Variants in TRANK1 observed in about 807,000 individuals in gnomAD.
TRANK1 encodes TPR and ankyrin repeat-containing protein 1.
A neutral mutation model predicts 266.0 loss-of-function variants in TRANK1; 198 were observed. The observed-to-expected ratio is 0.74, with a 90% CI of 0.66 to 0.84. TRANK1 has a LOEUF of 0.84. Among genes scored for constraint, TRANK1 ranks in the 40% least tolerant of loss-of-function variants. The pLI is 0.00. For synonymous variants in TRANK1, 1,396 were observed against 1,384.1 expected (o/e 1.01, Z -0.19); for missense variants, 3,326 against 3,634.6 (o/e 0.92, Z 2.18).
At chr3:36,875,042 C>T (rs2079366315) in intron 8 of TRANK1, among the ~76,000 whole-genome samples, 1 of 152,004 alleles carries the variant, frequency 6.6e-6, no homozygotes, top group African/African-American at 2.4e-5. Flanking sequence ...TCATATTTCC[C>T]ACCCATCGAG....
At chr3:36,865,025 T>G (rs938415115) in intron 9 of TRANK1, among the ~76,000 whole-genome samples, 7 of 60,154 alleles carry the variant, frequency 1.2e-4, no homozygotes, top group Admixed American at 5.4e-4. Flanking sequence ...GTTTTTTTGG[T>G]TTTTTTTTTT....
intron 9 of TRANK1, among the ~76,000 whole-genome samples, chr3:36,865,002 TG>T (rs1053049330): frequency 4.0e-5 from 6 of 150,734 alleles, no homozygotes; most frequent in African/African-American, 1.2e-4. Flanking sequence ...TGTTGGTTTT[TG>T]GGGGTTTTTT....
At position 36,944,890 on chromosome 3, in the gene TRANK1, C is replaced by A; in HGVS notation, c.-81G>T. On this transcript the variant is annotated 5_prime_UTR_variant, in exon 1 of 24. Coordinates refer to ENST00000645898, the MANE Select transcript of TRANK1 (RefSeq NM_001329998.2). ...TGTGGGCAGGGCGCGGCGGGCAGTGCGGAAGCCCGAAAGCTACCGGAGCCC... is the reference window on the plus strand; with the variant it reads ...TGTGGGCAGGGCGCGGCGGGCAGTGAGGAAGCCCGAAAGCTACCGGAGCCC... 4 of 1,338,218 alleles carry A rather than the reference C, an allele frequency of 3.0e-6. No homozygotes were observed. The highest frequency in any genetic ancestry group is 3.4e-5 in the South Asian group (2 of 58,726). 82.9% of individuals were successfully genotyped at this position (1,338,218 alleles called of 1,614,324 possible).
At chr3:36,897,001 A>T (rs1023634910) in intron 4 of TRANK1, among the ~76,000 whole-genome samples, 12 of 151,300 alleles carry the variant, frequency 7.9e-5, no homozygotes, top group Non-Finnish European at 1.0e-4. Flanking sequence ...TCTCAAAAAA[A>T]ATATAAAAGA....
chr3:36,869,796 CAGA>C (rs1399976985), intron 9 of TRANK1, among the ~76,000 whole-genome samples: 1 of 152,242 alleles, frequency 6.6e-6, no homozygotes, highest in Non-Finnish European at 1.5e-5. Flanking sequence ...TCTGGTTCTT[CAGA>C]TGCATGAGCC....
Position 36,832,941 on chromosome 3 carries a change from C to T in TRANK1, c.6642G>A (p.Arg2214=), listed in dbSNP as rs1242165833. The T allele has an allele frequency of 1.2e-5, 19 of 1,612,634 alleles. No homozygotes were observed. Among genetic ancestry groups the T allele is most frequent in the Non-Finnish European group, 1.5e-5 (18 of 1,179,216 alleles). Residue 2214 remains arginine (R), a synonymous_variant, in exon 22 of 24, where the codon CGG becomes CGA. Coordinates refer to ENST00000645898, the MANE Select transcript of TRANK1 (RefSeq NM_001329998.2). ...ENCEHFHRPL[R]RCEAKCLVQS... The stretch of plus-strand genomic sequence containing the variant: ...GAACTAAACACTTGGCTTCACAACG[C>T]CGCAGAGGCCTGTGAAAATGTTCAC...
Position 36,847,235 on chromosome 3 carries a change from C to A in TRANK1, c.4999G>T (p.Gly1667Cys), listed in dbSNP as rs780124165. ...VPLDKPGSSQ[G>C]RSLMVNPEMY... ...TCTGGATTCACCATGAGAGATCGAC[C>A]CTGAGAAGAGCCTGGTTTGTCCAGG... The change falls in exon 16 of 24, where the codon GGT becomes TGT. Residue 1667 changes from glycine (G) to cysteine (C), a missense_variant. Coordinates refer to ENST00000645898, the MANE Select transcript of TRANK1 (RefSeq NM_001329998.2). 6.2e-7 allele frequency: 1 copy of A among 1,613,374 alleles called. No individual in the cohort carries two copies. Among genetic ancestry groups the A allele is most frequent in the Non-Finnish European group, 8.5e-7 (1 of 1,179,664 alleles).
At chr3:36,847,094 GA>G in intron 16 of TRANK1, 105 bp downstream of exon 16, 1 of 1,362,570 alleles carries the variant, frequency 7.3e-7, no homozygotes, top group Non-Finnish European at 9.8e-7. Flanking sequence ...CGTTGCTGAG[GA>G]AAACCAGCCA....
chr3:36,841,862 A>T (rs2078848493), intron 18 of TRANK1, among the ~76,000 whole-genome samples: 1 of 151,932 alleles, frequency 6.6e-6, no homozygotes, highest in Non-Finnish European at 1.5e-5. Flanking sequence ...TGAACTGCAG[A>T]ACCAACCCTA....
At chr3:36,836,955 C>G (rs184532747) in intron 20 of TRANK1, among the ~76,000 whole-genome samples, 1 of 152,326 alleles carries the variant, frequency 6.6e-6, no homozygotes, top group African/African-American at 2.4e-5. Context: ...ACTGGCTTCC[C>G]ATCATGCTTG....
chr3:36,860,188 TTAATATCCAAAACAACCCTA>T (rs2079122376), intron 11 of TRANK1, among the ~76,000 whole-genome samples: 1 of 152,162 alleles, frequency 6.6e-6, no homozygotes. Context: ...ATTAACTTAT[TTAATATCCAAAACAACCCTA>T]TAAAAGGGGG....
At chr3:36,914,711 C>G (rs1351341121) in intron 1 of TRANK1, among the ~76,000 whole-genome samples, 1 of 151,914 alleles carries the variant, frequency 6.6e-6, no homozygotes, top group Non-Finnish European at 1.5e-5. Context: ...GATCTCGGCT[C>G]ACTGCAACCT....
intron 1 of TRANK1, among the ~76,000 whole-genome samples, chr3:36,920,659 G>A (rs761125714): frequency 1.3e-5 from 2 of 152,156 alleles, no homozygotes; most frequent in Admixed American, 1.3e-4. Context: ...GTGGCCCTAC[G>A]TTTCAGCTGC....
At chr3:36,858,691 A>T in intron 12 of TRANK1, 27 bp downstream of exon 12, 1 of 1,469,714 alleles carries the variant, frequency 6.8e-7, no homozygotes, top group South Asian at 1.4e-5. Flanking sequence ...CCTCAAGGAG[A>T]CGGCTGCTTA....
At chr3:36,868,526 A>G (rs1387121084) in intron 9 of TRANK1, among the ~76,000 whole-genome samples, 1 of 152,234 alleles carries the variant, frequency 6.6e-6, no homozygotes, top group Non-Finnish European at 1.5e-5. Flanking sequence ...TTAAAAAGCA[A>G]AAGTGTTAGG....
At chr3:36,944,761 C>G (rs943394787) in intron 1 of TRANK1, 26 bp downstream of exon 1, 4 of 1,501,798 alleles carry the variant, frequency 2.7e-6, no homozygotes, top group Non-Finnish European at 3.5e-6. Context: ...CAGAGATGCC[C>G]CAGTGCTTCC....
At chr3:36,926,238 T>C (rs1440426707) in intron 1 of TRANK1, among the ~76,000 whole-genome samples, 1 of 152,178 alleles carries the variant, frequency 6.6e-6, no homozygotes, top group Non-Finnish European at 1.5e-5. Context: ...TATTCGTCTA[T>C]CATGGCTAAC....
rs1409910565 is a variant in TRANK1, at chr3:36,834,863, T to G, written c.5562A>C (p.Lys1854Asn). Residue 1854 changes from lysine (K) to asparagine (N), a missense_variant, in exon 21 of 24, where the codon AAA becomes AAC. Physicochemically the swap from Lys to Asn is moderately conservative, Grantham distance 94. Coordinates refer to ENST00000645898, the MANE Select transcript of TRANK1 (RefSeq NM_001329998.2). ...TCTGCTCAAAGCATCTGAAAGCGTC[T>G]TTGTAGCACTGGCTTCGCTTATAGA... The part of the protein sequence containing the change: ...AYFYKRSQCY[K>N]DAFRCFEQIQ... 6 of 1,613,632 alleles carry G rather than the reference T, an allele frequency of 3.7e-6. No individual in the cohort carries two copies. The African/African-American group carries it at 8.0e-5, about 22-fold the overall frequency.
upstream of TRANK1, among the ~76,000 whole-genome samples, chr3:36,945,603 C>T (rs980106788): frequency 2.6e-5 from 4 of 152,174 alleles, no homozygotes; most frequent in South Asian, 2.1e-4. Flanking sequence ...AAATGAGGAT[C>T]TTGCCTTGTC....
Sources: gnomAD v4.1 joint callset for allele counts (sites outside exome capture counted in the v4.1 genomes callset) on GRCh38, gnomAD v4.1.1 for gene constraint, MANE v1.5 for transcripts, NCBI Gene and HGNC (gene_info 2026-07-23, HGNC 2026-07-21) for gene names.